MTSS1: variants seen among roughly 807,000 people sequenced by gnomAD.
The protein encoded by MTSS1 is MTSS I-BAR domain containing 1.
In MTSS1, 18 loss-of-function variants were observed where a neutral mutation model predicts 79.0. The observed-to-expected ratio is 0.23, with a 90% CI of 0.16 to 0.34. The LOEUF is 0.34. Among genes scored for constraint, MTSS1 ranks in the 10% least tolerant of loss-of-function variants. The probability of loss-of-function intolerance (pLI) is 1.00; values close to 1 mark genes in which losing one functional copy is unlikely to be tolerated. For missense variants in MTSS1, 815 were observed against 986.2 expected, an observed-to-expected ratio of 0.83 and a Z score of 2.33; for synonymous variants, 341 against 368.6, an observed-to-expected ratio of 0.93 and a Z score of 0.86.
At chr8:124,560,119 G>T (rs1824963615) in intron 10 of MTSS1, among the ~76,000 whole-genome samples, 1 of 152,186 alleles carries the variant, frequency 6.6e-6, no homozygotes, top group Non-Finnish European at 1.5e-5. Context: ...CTCAGTGTCT[G>T]GTTAGCAGCC....
At chr8:124,585,452 T>C (rs995454369) in intron 5 of MTSS1, among the ~76,000 whole-genome samples, 1 of 151,898 alleles carries the variant, frequency 6.6e-6, no homozygotes, top group African/African-American at 2.4e-5. Context: ...TCTTGTTCTG[T>C]GGCCCAGGCT....
rs549925662 is a variant in MTSS1 at position 124,704,785 on chromosome 8, C to A, written c.73-594G>T. 9.2e-5 allele frequency among the ~76,000 whole-genome samples: 14 copies of A among 152,290 alleles called. 1 individual carries two copies. In the South Asian group the frequency reaches 2.3e-3, roughly 25 times the overall value. ...ACCTTCCCAGCCTATTATCAGCCACCCTGTCCTTGATGTTCATGTAGTTCT... is the reference window on the plus strand; with the variant it reads ...ACCTTCCCAGCCTATTATCAGCCACACTGTCCTTGATGTTCATGTAGTTCT... On this transcript the variant is annotated intron_variant, in intron 1 of 13. Transcript: ENST00000518547.
At chr8:124,621,466 CA>C (rs1326016399) in intron 3 of MTSS1, among the ~76,000 whole-genome samples, 4 of 152,136 alleles carry the variant, frequency 2.6e-5, no homozygotes, top group African/African-American at 7.2e-5. Flanking sequence ...GGGTGTCTGC[CA>C]GGGGGGCATC....
chr8:124,721,839 A>G (rs1421041444), intron 1 of MTSS1, among the ~76,000 whole-genome samples: 1 of 152,212 alleles, frequency 6.6e-6, no homozygotes, highest in Non-Finnish European at 1.5e-5. Context: ...AGGCAGCAGC[A>G]TCTCCAAGCT....
At position 124,597,977 on chromosome 8, in the gene MTSS1, A is replaced by G. The variant is rs1005350964; in HGVS notation, c.209-6742T>C. ...TGAACCGGATCATTTTTTGTTATCA[A>G]TAATGACCATTTTGGGCCAGGCATG... On this transcript the variant is annotated intron_variant, in intron 3 of 13. Coordinates refer to ENST00000518547, the MANE Select transcript of MTSS1 (RefSeq NM_014751.6). This position sits in a 1 kb window ranked among gnomAD's most constrained non-coding sequence, Gnocchi z 4.6. Among the ~76,000 whole-genome samples the G allele has an allele frequency of 6.6e-6, 1 of 152,168 alleles. No homozygotes were observed. The highest frequency in any genetic ancestry group is 2.4e-5 in the African/African-American group (1 of 41,430).
chr8:124,673,463 C>T (rs1824674511), intron 3 of MTSS1: 1 of 152,080 alleles, frequency 6.6e-6, no homozygotes, highest in South Asian at 2.1e-4. Context: ...CATGCATGAC[C>T]CAGATGTGGT....
At chr8:124,671,775 C>T (rs1026322817) in intron 3 of MTSS1, among the ~76,000 whole-genome samples, 1 of 152,214 alleles carries the variant, frequency 6.6e-6, no homozygotes, top group Non-Finnish European at 1.5e-5. Context: ...AAGAACACAG[C>T]ATTCTGCCCC....
chr8:124,690,618 A>C (rs1827788703), intron 3 of MTSS1, among the ~76,000 whole-genome samples: 1 of 152,208 alleles, frequency 6.6e-6, no homozygotes, highest in Non-Finnish European at 1.5e-5. Context: ...GCTGCTACCC[A>C]ACCAAAGATC....
intron 3 of MTSS1, among the ~76,000 whole-genome samples, chr8:124,612,137 C>T (rs1354128251): frequency 6.6e-6 from 1 of 152,234 alleles, no homozygotes; most frequent in Admixed American, 6.5e-5. Flanking sequence ...ATTTGGTGAG[C>T]ATCCTACAGG....
At chr8:124,720,902 A>T (rs1485548835) in intron 1 of MTSS1, among the ~76,000 whole-genome samples, 2 of 152,220 alleles carry the variant, frequency 1.3e-5, no homozygotes, top group East Asian at 3.8e-4. Context: ...AACAACTCTT[A>T]TCAGGTTCAT....
At chr8:124,688,880 A>C (rs1827467352) in intron 3 of MTSS1, among the ~76,000 whole-genome samples, 1 of 152,186 alleles carries the variant, frequency 6.6e-6, no homozygotes, top group East Asian at 1.9e-4. Context: ...CTTCACTGAG[A>C]TTCAGTGTCT....
chr8:124,639,050 C>T (rs184558997), intron 3 of MTSS1, among the ~76,000 whole-genome samples: 101 of 152,222 alleles, frequency 6.6e-4, no homozygotes, highest in Admixed American at 8.5e-4. Flanking sequence ...AAGGTATTGG[C>T]GGCCTGGCCC....
At chr8:124,689,224 T>C (rs1022347819) in intron 3 of MTSS1, among the ~76,000 whole-genome samples, 1 of 152,118 alleles carries the variant, frequency 6.6e-6, no homozygotes, top group African/African-American at 2.4e-5. Context: ...CTTTCACATT[T>C]TGTGCGTGTT....
rs746457231 is a variant in MTSS1 at position 124,555,913 on chromosome 8, TGGA to T, written c.1405-12_1405-10del. 1.2e-6 allele frequency: 2 copies of T among 1,602,514 alleles called. No individual in the cohort carries two copies. Among genetic ancestry groups the T allele is most frequent in the East Asian group, 2.2e-5 (1 of 44,836 alleles). ...TCCATCTCCTCACCAGGCTGCAGGT[TGGA>T]GGAGAGAAATACACAGGTTGCTTTA... On this transcript the variant is annotated splice_polypyrimidine_tract_variant and intron_variant, in intron 12 of 13. Coordinates refer to ENST00000518547, the MANE Select transcript of MTSS1 (RefSeq NM_014751.6).
chr8:124,613,705 G>C (rs530868177), intron 3 of MTSS1, among the ~76,000 whole-genome samples: 2 of 152,296 alleles, frequency 1.3e-5, no homozygotes, highest in African/African-American at 4.8e-5. Context: ...AATGAGTCAT[G>C]GGCATCCTAA....
chr8:124,647,435 A>G (rs1025752022), intron 3 of MTSS1, among the ~76,000 whole-genome samples: 1 of 152,232 alleles, frequency 6.6e-6, no homozygotes, highest in African/African-American at 2.4e-5. Flanking sequence ...AACGACTAAG[A>G]TATTTTTTGT....
In MTSS1 at chr8:124,628,091, C is replaced by T. The variant is rs554071276; in HGVS notation, c.209-36856G>A. On this transcript the variant is annotated intron_variant, in intron 3 of 13. Transcript: ENST00000518547. ...CTGAGGCAGGAATATCGCTTGAACC[C>T]GGGAGATGGAGGTTGCAGTGAGCTG... Among the ~76,000 whole-genome samples, 350 of 152,214 alleles carry T rather than the reference C, an allele frequency of 2.3e-3. 1 individual carries two copies. The highest frequency in any genetic ancestry group is 7.1e-3 in the African/African-American group (293 of 41,546).
chr8:124,628,061 G>T (rs1056975451), intron 3 of MTSS1, among the ~76,000 whole-genome samples: 5 of 152,196 alleles, frequency 3.3e-5, no homozygotes, highest in African/African-American at 4.8e-5. Flanking sequence ...CAGCTACTCA[G>T]GTGGCTGAGG....
In MTSS1 at chr8:124,648,709, GC is replaced by G. The variant is rs565378341; in HGVS notation, c.208+50816del. Among the ~76,000 whole-genome samples, 1,000 of 147,866 alleles carry G rather than the reference GC, an allele frequency of 6.8e-3. 4 individuals carry two copies. Among genetic ancestry groups the G allele is most frequent in the South Asian group, 0.01 (49 of 4,672 alleles). ...GGAAGAGTCTTCATCCCAAATAGCAGCCCCCCCCCAGATACTGACCAGACGG... is the reference window on the plus strand; with the variant it reads ...GGAAGAGTCTTCATCCCAAATAGCAGCCCCCCCCAGATACTGACCAGACGG... On this transcript the variant is annotated intron_variant, in intron 3 of 13. Transcript: ENST00000518547.
Sources: gnomAD v4.1 joint callset for allele counts (sites outside exome capture counted in the v4.1 genomes callset) on GRCh38, gnomAD v4.1.1 for gene constraint, Gnocchi (gnomAD v3.1) non-coding constraint, MANE v1.5 for transcripts, NCBI Gene and HGNC (gene_info 2026-07-23, HGNC 2026-07-21) for gene names.